The following TAF4 variants were observed in gnomAD, a reference collection of about 807,000 sequenced individuals.
TAF4 encodes the protein transcription initiation factor TFIID subunit 4.
A neutral mutation model predicts 90.3 loss-of-function variants in TAF4; 9 were observed. That is an observed-to-expected ratio of 0.10 (90% CI 0.06 to 0.17). TAF4 has a LOEUF of 0.17. TAF4 is among the 10% of genes least tolerant of loss of function. TAF4 has a pLI of 1.00. For synonymous variants in TAF4, 818 were observed against 638.9 expected, an observed-to-expected ratio of 1.28 and a Z score of -4.23; for missense variants, 1,351 against 1,370.7, an observed-to-expected ratio of 0.99 and a Z score of 0.23.
Position 62,014,607 on chromosome 20 carries a change from G to T in TAF4, c.1461C>A (p.Thr487=), listed in dbSNP as rs2123151085. The T allele has an allele frequency of 6.2e-7, 1 of 1,614,080 alleles. No homozygotes were observed. Among genetic ancestry groups the T allele is most frequent in the South Asian group, 1.1e-5 (1 of 91,066 alleles). ...TGGGGGTGGCAGGGCGAGGCGCCAT[G>T]GTGGTCTGAGGCTGGGCATGGGCCT... ...QAQAHAQPQT[T]MAPRPATPTS... is the part of the protein sequence containing the mutation. The change falls in exon 2 of 15, where the codon ACC becomes ACA. Residue 487 remains threonine (T), a synonymous_variant. Transcript: ENST00000252996.
chr20:62,030,720 T>A (rs919681155), intron 1 of TAF4, among the ~76,000 whole-genome samples: 24 of 152,234 alleles, frequency 1.6e-4, no homozygotes, highest in African/African-American at 5.5e-4. Context: ...AAAACTTTAC[T>A]AAGTTGCCAA....
Position 62,003,773 on chromosome 20 carries a change from G to T in TAF4, c.2329C>A (p.Leu777Ile), listed in dbSNP as rs746820858. ...AGCTGGATCTGCTGAGGCGTGGTGAGCATGATCCGGTTGTGAGGCTGCCGC... is the reference window on the plus strand; with the variant it reads ...AGCTGGATCTGCTGAGGCGTGGTGATCATGATCCGGTTGTGAGGCTGCCGC... ...ALRQPHNRIM[L>I]TTPQQIQLNP... The change falls in exon 8 of 15, where the codon CTC becomes ATC. Residue 777 changes from leucine to isoleucine, a missense_variant. Transcript: ENST00000252996. 6.2e-7 allele frequency: 1 copy of T among 1,608,284 alleles called. No individual in the cohort carries two copies. The highest frequency in any genetic ancestry group is 1.1e-5 in the South Asian group (1 of 90,764).
intron 1 of TAF4, among the ~76,000 whole-genome samples, chr20:62,052,837 C>A (rs6061989): frequency 7.9e-5 from 11 of 139,740 alleles, no homozygotes; most frequent in Non-Finnish European, 1.5e-4. Context: ...CTCGCGCCAT[C>A]CCCCATATCC....
chr20:62,001,582 G>A (rs573488145), intron 9 of TAF4, among the ~76,000 whole-genome samples: 6 of 152,274 alleles, frequency 3.9e-5, no homozygotes, highest in Non-Finnish European at 7.4e-5. Flanking sequence ...TCCTGGGGTC[G>A]TTGTGTCTCG....
At chr20:62,053,818 TTCTC>T (rs2056045058) in intron 1 of TAF4, among the ~76,000 whole-genome samples, 1 of 152,208 alleles carries the variant, frequency 6.6e-6, no homozygotes, top group Non-Finnish European at 1.5e-5. Flanking sequence ...TGACCAAGTC[TTCTC>T]GGCTGAAACT....
chr20:62,002,972 G>C (rs1490034606), intron 9 of TAF4, among the ~76,000 whole-genome samples, 188 bp downstream of exon 9: 3 of 152,192 alleles, frequency 2.0e-5, no homozygotes, highest in Non-Finnish European at 4.4e-5. Context: ...AAACCTCTTT[G>C]AGCCAACTGT....
intron 14 of TAF4, among the ~76,000 whole-genome samples, chr20:61,987,779 T>C (rs2055602689): frequency 6.6e-6 from 1 of 152,266 alleles, no homozygotes; most frequent in South Asian, 2.1e-4. Context: ...CAGATGTTTA[T>C]ACCAGCTTTC....
At chr20:62,043,748 C>A (rs2055977039) in intron 1 of TAF4, among the ~76,000 whole-genome samples, 1 of 152,242 alleles carries the variant, frequency 6.6e-6, no homozygotes, top group Admixed American at 6.5e-5. Context: ...AGGGGCCGCA[C>A]CACACAGCCT....
intron 3 of TAF4, among the ~76,000 whole-genome samples, chr20:62,011,763 T>C (rs2055779382): frequency 1.3e-5 from 2 of 152,218 alleles, no homozygotes; most frequent in South Asian, 4.1e-4. Context: ...GCAAGGACTC[T>C]GGATCTCTCT....
chr20:61,980,667 C>G (rs997445636), intron 14 of TAF4: 1 of 152,252 alleles, frequency 6.6e-6, no homozygotes, highest in Non-Finnish European at 1.5e-5. Context: ...ACGTGGCTGC[C>G]GAGCTGATGT....
intron 14 of TAF4, among the ~76,000 whole-genome samples, chr20:61,985,657 A>G (rs964112297): frequency 6.6e-6 from 1 of 151,286 alleles, no homozygotes; most frequent in East Asian, 1.9e-4. Context: ...GGGGGATGAG[A>G]ACCAGGTTCC....
intron 14 of TAF4, among the ~76,000 whole-genome samples, chr20:61,989,307 G>GCTCCAA (rs66527480): frequency 1.4e-4 from 2 of 14,750 alleles, no homozygotes; most frequent in South Asian, 1.2e-3. Context: ...GAGGAACCAG[G>GCTCCAA]GGAAGCTGCA....
intron 4 of TAF4, among the ~76,000 whole-genome samples, chr20:62,009,650 G>A (rs2055766853): frequency 6.6e-6 from 1 of 152,222 alleles, no homozygotes; most frequent in African/African-American, 2.4e-5. Context: ...AACGGGTGGC[G>A]CTGCTGTTTT....
At chr20:62,019,174 AAT>A (rs1284468895) in intron 1 of TAF4, among the ~76,000 whole-genome samples, 1 of 152,214 alleles carries the variant, frequency 6.6e-6, no homozygotes, top group Non-Finnish European at 1.5e-5. Context: ...CAGAAAGTTT[AAT>A]AAGTGCAGAG....
chr20:62,009,124 T>C lies in TAF4; in HGVS notation c.1812A>G (p.Ile604Met). The C allele has an allele frequency of 6.2e-7, 1 of 1,613,910 alleles. No individual in the cohort carries two copies. The highest frequency in any genetic ancestry group is 8.5e-7 in the Non-Finnish European group (1 of 1,179,916). Residue 604 changes from isoleucine to methionine, a missense_variant, in exon 5 of 15, where the codon ATA becomes ATG. By Grantham distance (10) the Ile-to-Met change is conservative (BLOSUM62 1). Around this residue, in one of 9 missense-constraint regions of TAF4, gnomAD observed 44 missense variants for 97.4 expected, o/e 0.45. Coordinates refer to ENST00000252996, the MANE Select transcript of TAF4 (RefSeq NM_003185.4). ...KKCKNFLSTL[I>M]KLASSGKQST... The stretch of plus-strand genomic sequence containing the variant: ...ACTGCTTGCCAGATGAAGCCAGTTT[T>C]ATTAACGTAGATAGGAAATTTTTAC...
chr20:62,003,974 A>T (rs1175942759), intron 7 of TAF4, 96 bp from the exon 8 acceptor site: 3 of 1,415,174 alleles, frequency 2.1e-6, no homozygotes, highest in Non-Finnish European at 2.8e-6. Flanking sequence ...CTTCCTTTGC[A>T]CCCCACGCCC....
At chr20:62,015,842 A>G (rs529216336) in intron 1 of TAF4, among the ~76,000 whole-genome samples, 2 of 152,328 alleles carry the variant, frequency 1.3e-5, no homozygotes, top group African/African-American at 4.8e-5. Flanking sequence ...GAAACTCAGC[A>G]TGGTATCAAG....
In TAF4 at chr20:62,064,587, C is replaced by G. The variant is rs1176867731; in HGVS notation, c.1224G>C (p.Val408=). The change falls in exon 1 of 15, where the codon GTG becomes GTC. Residue 408 remains valine (V), a synonymous_variant. Coordinates refer to ENST00000252996, the MANE Select transcript of TAF4 (RefSeq NM_003185.4). ...TGGGCGTCCGGGACAGGCTCTGGGT[C>G]ACTGCGCCGGCCGCGCCTTTGGGCA... The part of the protein sequence containing the change: ...TGLPKGAAGA[V]TQSLSRTPTA... The G allele has an allele frequency of 6.7e-7, 1 of 1,495,208 alleles. No individual in the cohort carries two copies. Among genetic ancestry groups the G allele is most frequent in the Non-Finnish European group, 8.9e-7 (1 of 1,127,596 alleles). The allele number at this position is 1,495,208 out of a possible 1,614,324, so 92.6% of individuals were successfully genotyped here. A position where few individuals can be genotyped will look rare whatever the true frequency, so the allele number is the denominator to read the frequency against.
At position 62,000,643 on chromosome 20, in the gene TAF4, C is replaced by T. The variant is rs2055694181; in HGVS notation, c.2565G>A (p.Thr855=). The T allele has an allele frequency of 4.3e-6, 7 of 1,614,270 alleles. No homozygotes were observed. The highest frequency in any genetic ancestry group is 2.2e-5 in the East Asian group (1 of 44,890). ...LSEESARILA[T]NSELVGTLTR... Reference sequence around the variant, plus strand: ...TTAGCGTGCCCACCAATTCAGAGTTCGTGGCTAATATTCTTGCACTTTCTT... The same window carrying T: ...TTAGCGTGCCCACCAATTCAGAGTTTGTGGCTAATATTCTTGCACTTTCTT... Residue 855 remains threonine, a synonymous_variant, in exon 10 of 15, where the codon ACG becomes ACA. Coordinates refer to ENST00000252996, the MANE Select transcript of TAF4 (RefSeq NM_003185.4).
Sources: allele counts gnomAD v4.1 joint callset (sites outside exome capture counted in the v4.1 genomes callset), GRCh38; gene constraint gnomAD v4.1.1; regional missense constraint gnomAD v4.1.1; transcripts MANE v1.5; gene names NCBI Gene and HGNC (gene_info 2026-07-23, HGNC 2026-07-21).